The following ADGRL4 variants were observed in gnomAD, a reference collection of about 807,000 sequenced individuals.
The protein encoded by ADGRL4 is adhesion G protein-coupled receptor L4, also known as EGF, latrophilin and seven transmembrane domain containing 1.
ADGRL4 carries 90 observed loss-of-function variants against 74.8 expected under a neutral mutation model. The ratio of observed to expected loss-of-function variants is 1.20; its 90% CI spans 1.02 to 1.43. The LOEUF (loss-of-function observed/expected upper bound fraction) is 1.43. Ranked by LOEUF, ADGRL4 falls within the 40% of genes most tolerant of loss-of-function variation. ADGRL4 has a pLI of 0.00. For missense variants in ADGRL4, 881 were observed against 814.3 expected, an observed-to-expected ratio of 1.08 and a Z score of -1.00; for synonymous variants, 311 against 279.2, an observed-to-expected ratio of 1.11 and a Z score of -1.14.
chr1:78,939,061 T>G (rs1222264931), intron 4 of ADGRL4, 127 bp downstream of exon 4: 3 of 1,221,862 alleles, frequency 2.5e-6, no homozygotes, highest in East Asian at 3.3e-5. Context: ...GATCTCTATA[T>G]GTAAACGTTT....
intron 12 of ADGRL4, among the ~76,000 whole-genome samples, chr1:78,902,754 G>A (rs1487760440): frequency 2.6e-5 from 4 of 152,110 alleles, no homozygotes; most frequent in Non-Finnish European, 4.4e-5. Context: ...TTTGGCATTA[G>A]TGTTCATCCA....
At chr1:78,998,025 G>A (rs1445828789) in intron 2 of ADGRL4, among the ~76,000 whole-genome samples, 2 of 152,240 alleles carry the variant, frequency 1.3e-5, no homozygotes, top group Non-Finnish European at 2.9e-5. Flanking sequence ...ACGAGGAATA[G>A]AATGTCCAAT....
intron 2 of ADGRL4, among the ~76,000 whole-genome samples, chr1:78,952,381 G>A (rs1201746864): frequency 1.2e-5 from 1 of 86,012 alleles, no homozygotes; most frequent in Admixed American, 1.6e-4. Flanking sequence ...GGGCTCATTT[G>A]TTTTCAACAG....
chr1:78,916,300 C>T (rs1438998865), intron 12 of ADGRL4, among the ~76,000 whole-genome samples: 2 of 151,776 alleles, frequency 1.3e-5, no homozygotes, highest in Non-Finnish European at 2.9e-5. Flanking sequence ...AGTCATTGCT[C>T]CACGGACCTT....
intron 2 of ADGRL4, among the ~76,000 whole-genome samples, chr1:79,004,379 T>C (rs1650915305): frequency 6.6e-6 from 1 of 151,880 alleles, no homozygotes; most frequent in Non-Finnish European, 1.5e-5. Flanking sequence ...GAGTGGAAGA[T>C]TGGGGTAGAG....
chr1:78,958,475 T>G (rs567365247), intron 2 of ADGRL4, among the ~76,000 whole-genome samples: 9 of 152,084 alleles, frequency 5.9e-5, no homozygotes, highest in African/African-American at 2.2e-4. Context: ...CCAACCCTCA[T>G]AGATGACTTG....
intron 12 of ADGRL4, among the ~76,000 whole-genome samples, chr1:78,893,633 T>C (rs1201737698): frequency 6.6e-6 from 1 of 151,892 alleles, no homozygotes. Flanking sequence ...CAAAACACTC[T>C]CAGTTTCTAA....
At chr1:78,986,740 C>T (rs1259754255) in intron 2 of ADGRL4, among the ~76,000 whole-genome samples, 1 of 151,758 alleles carries the variant, frequency 6.6e-6, no homozygotes, top group African/African-American at 2.4e-5. Context: ...TGTGCTTTCA[C>T]TAAAATTAAA....
At position 78,906,453 on chromosome 1, in the gene ADGRL4, G is replaced by A. The variant is rs118058389; in HGVS notation, c.1749+11181C>T. On this transcript the variant is annotated intron_variant, in intron 12 of 14. Transcript: ENST00000370742. Reference sequence around the variant, plus strand: ...GTATCCATGAAGGATAAAGTGACCCGCACGGGAGTAAGTGAGCTACATGGG... The same window carrying A: ...GTATCCATGAAGGATAAAGTGACCCACACGGGAGTAAGTGAGCTACATGGG... 2.1e-3 allele frequency among the ~76,000 whole-genome samples: 314 copies of A among 151,934 alleles called. 5 individuals carry two copies. The East Asian group carries it at 0.052, about 25-fold the overall frequency.
chr1:79,002,441 A>G (rs1650863330), intron 2 of ADGRL4, among the ~76,000 whole-genome samples: 1 of 152,128 alleles, frequency 6.6e-6, no homozygotes, highest in Non-Finnish European at 1.5e-5. Flanking sequence ...CAAGAATTTC[A>G]TGCCAGATAT....
chr1:78,917,521 C>G (rs1400946350), intron 12 of ADGRL4, 113 bp downstream of exon 12: 1 of 603,174 alleles, frequency 1.7e-6, no homozygotes, highest in Non-Finnish European at 2.8e-6. Context: ...AAGTGATATA[C>G]TGTAAAATAT....
intron 2 of ADGRL4, among the ~76,000 whole-genome samples, chr1:78,952,077 AAAAT>A (rs1450053954): frequency 6.6e-6 from 1 of 152,096 alleles, no homozygotes; most frequent in African/African-American, 2.4e-5. Flanking sequence ...AAGATGGAGA[AAAAT>A]AAAAAGAAAA....
intron 8 of ADGRL4, among the ~76,000 whole-genome samples, chr1:78,924,025 T>TA (rs996228440): frequency 6.6e-6 from 1 of 151,932 alleles, no homozygotes; most frequent in African/African-American, 2.4e-5. Context: ...AAGTACATCT[T>TA]AAAGATTTTG....
At chr1:78,937,666 C>A in intron 6 of ADGRL4, 141 bp downstream of exon 6, 1 of 699,728 alleles carries the variant, frequency 1.4e-6, no homozygotes, top group Non-Finnish European at 2.4e-6. Context: ...ATATGCATCA[C>A]CATTCATTTG....
intron 12 of ADGRL4, among the ~76,000 whole-genome samples, chr1:78,911,042 G>A (rs1648752588): frequency 6.6e-6 from 1 of 151,790 alleles, no homozygotes; most frequent in Non-Finnish European, 1.5e-5. Context: ...TAATACATTA[G>A]TGTTGAACTA....
chr1:78,988,764 T>C (rs1291878998), intron 2 of ADGRL4, among the ~76,000 whole-genome samples: 1 of 151,830 alleles, frequency 6.6e-6, no homozygotes, highest in Non-Finnish European at 1.5e-5. Context: ...AGAATCTACC[T>C]GGAGATTACG....
At chr1:78,946,568 T>A (rs1649605708) in intron 2 of ADGRL4, 142 bp from the exon 3 acceptor site, 1 of 633,646 alleles carries the variant, frequency 1.6e-6, no homozygotes, top group Admixed American at 3.6e-5. Flanking sequence ...TGCTAAAGAA[T>A]CCATATTCCA....
Position 78,952,519 on chromosome 1 carries a change from T to A in ADGRL4, c.173-6093A>T, listed in dbSNP as rs116335315. Among the ~76,000 whole-genome samples the A allele has an allele frequency of 3.6e-3, 536 of 150,154 alleles. 1 individual carries two copies. The highest frequency in any genetic ancestry group is 0.013 in the African/African-American group (516 of 40,826). On this transcript the variant is annotated intron_variant, in intron 2 of 14. Transcript: ENST00000370742. ...GTGAATACCAAAGTAAAAATACAGG[T>A]AAAGAGATAAGGAGGAAGAAAAGAT... is the stretch of plus-strand genomic sequence containing the variant.
At chr1:78,971,710 T>C (rs137972105) in intron 2 of ADGRL4, among the ~76,000 whole-genome samples, 2 of 152,218 alleles carry the variant, frequency 1.3e-5, no homozygotes, top group African/African-American at 4.8e-5. Context: ...AGATTTAGTT[T>C]CCTCATTTTC....
Sources: gnomAD v4.1 joint callset for allele counts (sites outside exome capture counted in the v4.1 genomes callset) on GRCh38, gnomAD v4.1.1 for gene constraint, MANE v1.5 for transcripts, NCBI Gene and HGNC (gene_info 2026-07-23, HGNC 2026-07-21) for gene names.